Variants in ADGRL2 observed in about 807,000 individuals in gnomAD.
ADGRL2 encodes calcium-independent alpha-latrotoxin receptor 2.
In ADGRL2, 44 loss-of-function variants were observed where a neutral mutation model predicts 157.4. That is an observed-to-expected ratio of 0.28 (90% confidence interval 0.22 to 0.36). ADGRL2 has a LOEUF of 0.36. ADGRL2 is among the 10% of genes least tolerant of loss of function. The probability of loss-of-function intolerance (pLI) is 1.00; values close to 1 mark genes in which losing one functional copy is unlikely to be tolerated. For missense variants in ADGRL2, 1,510 were observed against 1,768.9 expected (o/e 0.85, Z 2.63); for synonymous variants, 585 against 624.7 (o/e 0.94, Z 0.95).
chr1:81,683,301 A>G (rs2083157842), intron 3 of ADGRL2, among the ~76,000 whole-genome samples: 2 of 151,900 alleles, frequency 1.3e-5, no homozygotes, highest in South Asian at 4.2e-4. Flanking sequence ...TTCAAATACT[A>G]TTTTTTTTCC....
At chr1:81,897,007 A>G (rs1344901245) in intron 2 of ADGRL2, among the ~76,000 whole-genome samples, 1 of 152,214 alleles carries the variant, frequency 6.6e-6, no homozygotes, top group East Asian at 1.9e-4. Flanking sequence ...TTACTCAGGA[A>G]CAGGGATTAT....
Position 81,442,044 on chromosome 1 carries a change from G to A in ADGRL2, c.-301-2992G>A, listed in dbSNP as rs567703192. 6.9e-4 allele frequency among the ~76,000 whole-genome samples: 105 copies of A among 152,114 alleles called. 1 individual carries two copies. The highest frequency in any genetic ancestry group is 2.4e-3 in the African/African-American group (100 of 41,480). ...AGGCAGAGTCTCACTATGTTCCCCA[G>A]GCTAGTCTCTGACTCCTGGGCTCAA... On this transcript the variant is annotated intron_variant, in intron 1 of 24. Transcript: ENST00000370721.
At chr1:81,678,575 A>G (rs2083043404) in intron 3 of ADGRL2, among the ~76,000 whole-genome samples, 1 of 152,216 alleles carries the variant, frequency 6.6e-6, no homozygotes, top group African/African-American at 2.4e-5. Context: ...TGGAAAATAC[A>G]CATTTCAGAT....
intron 1 of ADGRL2, among the ~76,000 whole-genome samples, chr1:81,421,719 A>G (rs1029076338): frequency 2.0e-5 from 3 of 150,922 alleles, no homozygotes; most frequent in Non-Finnish European, 4.4e-5. Flanking sequence ...TTGCCTCCCC[A>G]GAATATATAG....
At chr1:81,650,202 A>G (rs1205240536) in intron 3 of ADGRL2, among the ~76,000 whole-genome samples, 1 of 152,194 alleles carries the variant, frequency 6.6e-6, no homozygotes, top group Non-Finnish European at 1.5e-5. Context: ...AAATTCTGTT[A>G]AATAAATGAA....
intron 3 of ADGRL2, among the ~76,000 whole-genome samples, chr1:81,908,657 C>T (rs2094638689): frequency 6.6e-6 from 1 of 152,086 alleles, no homozygotes; most frequent in African/African-American, 2.4e-5. Context: ...CTCAAAGTGG[C>T]TATACCACTT....
At chr1:81,696,637 A>G (rs1455083880), upstream of ADGRL2, among the ~76,000 whole-genome samples, 1 of 152,166 alleles carries the variant, frequency 6.6e-6, no homozygotes, top group Admixed American at 6.5e-5. Flanking sequence ...CTGTAGTCCC[A>G]GCTACTCGGG....
intron 2 of ADGRL2, among the ~76,000 whole-genome samples, chr1:81,764,184 T>G (rs2086021153): frequency 2.0e-5 from 2 of 101,228 alleles, no homozygotes; most frequent in African/African-American, 3.7e-5. Flanking sequence ...AGAGCGAGAC[T>G]CTGTCAAAAA....
intron 1 of ADGRL2, among the ~76,000 whole-genome samples, chr1:81,350,437 G>A (rs1317598791): frequency 1.3e-5 from 2 of 152,142 alleles, no homozygotes; most frequent in Non-Finnish European, 2.9e-5. Flanking sequence ...AAGGATTTTA[G>A]TAAAAATTTT....
At chr1:81,312,600 AT>A (rs1261660354) in intron 1 of ADGRL2, among the ~76,000 whole-genome samples, 1 of 152,206 alleles carries the variant, frequency 6.6e-6, no homozygotes, top group Non-Finnish European at 1.5e-5. Flanking sequence ...TGCTAGAGGC[AT>A]TTTGTTTCTC....
intron 2 of ADGRL2, among the ~76,000 whole-genome samples, chr1:81,526,533 C>G (rs1219252265): frequency 6.6e-6 from 1 of 152,150 alleles, no homozygotes; most frequent in Non-Finnish European, 1.5e-5. Flanking sequence ...CATTACACAT[C>G]TTCAAAAAGA....
intron 1 of ADGRL2, among the ~76,000 whole-genome samples, chr1:81,375,361 T>C (rs568273973): frequency 6.6e-6 from 1 of 152,230 alleles, no homozygotes; most frequent in South Asian, 2.1e-4. Context: ...GACCAAATTA[T>C]GAAGGGCCGT....
intron 1 of ADGRL2, among the ~76,000 whole-genome samples, chr1:81,801,501 G>T (rs1297239146): frequency 6.6e-6 from 1 of 152,212 alleles, no homozygotes; most frequent in South Asian, 2.1e-4. Flanking sequence ...GCTTACCAGA[G>T]AATTCCTTGG....
At chr1:81,828,672 TTA>T (rs1374375159) in intron 1 of ADGRL2, among the ~76,000 whole-genome samples, 1 of 152,174 alleles carries the variant, frequency 6.6e-6, no homozygotes, top group East Asian at 1.9e-4. Context: ...TTTTAATAGG[TTA>T]TAAAATTATA....
intron 1 of ADGRL2, among the ~76,000 whole-genome samples, chr1:81,364,773 C>G (rs1205035003): frequency 2.0e-5 from 3 of 151,284 alleles, no homozygotes; most frequent in African/African-American, 7.3e-5. Context: ...AATTTCAGCT[C>G]ACTGCAACCT....
chr1:81,940,511 C>A (rs771911033), intron 4 of ADGRL2, among the ~76,000 whole-genome samples: 5 of 151,584 alleles, frequency 3.3e-5, no homozygotes, highest in Non-Finnish European at 7.4e-5. Context: ...AAAGTGGTTA[C>A]ATAGACCAAG....
intron 2 of ADGRL2, among the ~76,000 whole-genome samples, chr1:81,793,383 C>G (rs1448144763): frequency 2.0e-5 from 3 of 152,054 alleles, no homozygotes; most frequent in Non-Finnish European, 2.9e-5. Context: ...TATTGTAAAT[C>G]TAGAGCAAAT....
chr1:81,586,995 T>A (rs2081040572), intron 3 of ADGRL2, among the ~76,000 whole-genome samples: 1 of 152,094 alleles, frequency 6.6e-6, no homozygotes, highest in Admixed American at 6.6e-5. Flanking sequence ...AACAGACAGC[T>A]GTCCAGAGAC....
chr1:81,641,473 G>A (rs1416573501), intron 3 of ADGRL2, among the ~76,000 whole-genome samples: 1 of 152,176 alleles, frequency 6.6e-6, no homozygotes, highest in Non-Finnish European at 1.5e-5. Flanking sequence ...TACAGTATAT[G>A]TCTGATCTTA....
Sources: allele counts gnomAD v4.1 joint callset (sites outside exome capture counted in the v4.1 genomes callset), GRCh38; gene constraint gnomAD v4.1.1; transcripts MANE v1.5; gene names NCBI Gene and HGNC (gene_info 2026-07-23, HGNC 2026-07-21).